The following DNAH17 variants were observed in gnomAD, a reference collection of about 807,000 sequenced individuals.
DNAH17 encodes the protein dynein axonemal heavy chain 17.
A neutral mutation model predicts 485.6 loss-of-function variants in DNAH17; 376 were observed. That is an observed-to-expected ratio of 0.77 (90% CI 0.71 to 0.84). DNAH17 has a LOEUF of 0.84. Ranked by LOEUF, DNAH17 falls within the 40% of genes least tolerant of loss-of-function variation. DNAH17 has a pLI of 0.00. For missense variants in DNAH17, 6,370 were observed against 5,839.3 expected (o/e 1.09, Z -2.96); for synonymous variants, 3,031 against 2,405.9 (o/e 1.26, Z -7.60).
intron 72 of DNAH17, 94 bp from the exon 73 acceptor site, chr17:78,439,311 C>T: frequency 2.8e-6 from 4 of 1,416,714 alleles, no homozygotes; most frequent in Non-Finnish European, 3.8e-6. Flanking sequence ...ACATGCCTCC[C>T]TCATTTAGTT....
intron 19 of DNAH17, among the ~76,000 whole-genome samples, chr17:78,534,928 G>T (rs935501028): frequency 2.6e-5 from 4 of 152,138 alleles, no homozygotes; most frequent in Non-Finnish European, 5.9e-5. Context: ...ACCAAGCTAG[G>T]GTACTTGGGT....
chr17:78,431,850 A>G (rs600834), intron 75 of DNAH17, among the ~76,000 whole-genome samples: 24,869 of 151,998 alleles, frequency 0.16, 2,143 homozygotes, highest in Middle Eastern at 0.2. Context: ...GCGTGTGTCA[A>G]TGGGCAACGG....
At chr17:78,433,008 G>A (rs543702983) in intron 75 of DNAH17, among the ~76,000 whole-genome samples, 1 of 151,362 alleles carries the variant, frequency 6.6e-6, no homozygotes, top group Admixed American at 6.6e-5. Context: ...GCCCTCCTGG[G>A]CAGCTGAGTG....
chr17:78,533,664 G>A (rs1188882045), intron 19 of DNAH17, among the ~76,000 whole-genome samples: 1 of 152,114 alleles, frequency 6.6e-6, no homozygotes. Context: ...CATTTTTATT[G>A]TCTGCATCTT....
chr17:78,479,241 C>T lies in DNAH17; in HGVS notation c.7901-125G>A, dbSNP rs562994174. ...CAACTGGAGTAAGAAATCTGCACAG[C>T]TCTTTGAAGTGGGAGGGAATTTGCT... On this transcript the variant is annotated intron_variant, in intron 50 of 80. Coordinates refer to ENST00000389840, the MANE Select transcript of DNAH17 (RefSeq NM_173628.4). 7.2e-4 allele frequency: 784 copies of T among 1,082,070 alleles called. 4 individuals carry two copies. Among genetic ancestry groups the T allele is most frequent in the Admixed American group, 9.3e-4 (35 of 37,792 alleles). The allele number at this position is 1,082,070 out of a possible 1,614,324, so 67.0% of individuals were successfully genotyped here.
At position 78,450,637 on chromosome 17, in the gene DNAH17, T is replaced by G. The variant is rs1385152619; in HGVS notation, c.10899+45A>C. 1.9e-6 allele frequency: 3 copies of G among 1,588,350 alleles called. No homozygotes were observed. The South Asian group carries it at 3.4e-5, about 18-fold the overall frequency. On this transcript the variant is annotated intron_variant, in intron 67 of 80. Transcript: ENST00000389840. ...GGCGCCGATCGCCCGTGGCCCAGCC[T>G]CCCAAGCCCTGGCTGCCAGGGCACG...
intron 16 of DNAH17, among the ~76,000 whole-genome samples, chr17:78,547,800 TAG>T (rs1598702576): frequency 1.3e-5 from 2 of 152,158 alleles, no homozygotes; most frequent in Non-Finnish European, 1.5e-5. Flanking sequence ...GTATTTTTAG[TAG>T]AGACAGGGTT....
intron 24 of DNAH17, among the ~76,000 whole-genome samples, chr17:78,526,163 A>T (rs1254577759): frequency 6.6e-6 from 1 of 152,206 alleles, no homozygotes; most frequent in East Asian, 1.9e-4. Flanking sequence ...TGTGCACTGG[A>T]CGTGACCATG....
At chr17:78,487,127 G>A (rs933489494) in intron 44 of DNAH17, among the ~76,000 whole-genome samples, 16 of 152,158 alleles carry the variant, frequency 1.1e-4, no homozygotes, top group Admixed American at 7.2e-4. Context: ...TGGGTGGCTC[G>A]TGTGGAGGTG....
chr17:78,560,659 A>T, intron 13 of DNAH17, 81 bp downstream of exon 13: 4 of 1,408,380 alleles, frequency 2.8e-6, no homozygotes, highest in Non-Finnish European at 3.8e-6. Flanking sequence ...GACCTCCATA[A>T]ATCCGTGCTG....
intron 6 of DNAH17, 104 bp downstream of exon 6, chr17:78,570,844 G>A (rs1598747395): frequency 2.7e-5 from 17 of 635,480 alleles, no homozygotes; most frequent in East Asian, 1.6e-4. Flanking sequence ...GTGACAGAGC[G>A]AGACTCCCTC....
chr17:78,516,524 TA>T (rs956821455), intron 25 of DNAH17, among the ~76,000 whole-genome samples: 12 of 151,446 alleles, frequency 7.9e-5, no homozygotes, highest in Non-Finnish European at 1.2e-4. Flanking sequence ...CCATCTCTAC[TA>T]AAAAAAATAC....
intron 17 of DNAH17, 62 bp downstream of exon 17, chr17:78,543,795 T>TAC (rs2091672006): frequency 6.2e-7 from 1 of 1,610,020 alleles, no homozygotes; most frequent in Non-Finnish European, 8.5e-7. Context: ...GCCCTGGGTT[T>TAC]ACTCTCTCCT....
chr17:78,505,687 A>T (rs114557954), intron 30 of DNAH17, among the ~76,000 whole-genome samples: 1,588 of 152,298 alleles, frequency 0.01, 27 homozygotes, highest in African/African-American at 0.035. Context: ...ATTCTGGAAG[A>T]TTTCTTTTTG....
chr17:78,501,502 C>T lies in DNAH17; in HGVS notation c.5323-158G>A, dbSNP rs982623337. On this transcript the variant is annotated intron_variant, in intron 34 of 80. Transcript: ENST00000389840. ...GCACCCACATCCAACTGTATGGCCA[C>T]CCTCAGTGGAATCTCGCTACAGAAT... 20 of 1,017,400 alleles carry T rather than the reference C, an allele frequency of 2.0e-5. No homozygotes were observed. In the African/African-American group the frequency reaches 2.8e-4, roughly 14 times the overall value. The allele number at this position is 1,017,400 out of a possible 1,614,324, so 63.0% of individuals were successfully genotyped here.
chr17:78,501,923 TG>T lies in DNAH17; in HGVS notation c.5191-51del, dbSNP rs752965632. 1.1e-5 allele frequency: 18 copies of T among 1,606,624 alleles called. No homozygotes were observed. The South Asian group carries it at 1.3e-4, about 12-fold the overall frequency. On this transcript the variant is annotated intron_variant, in intron 33 of 80. Transcript: ENST00000389840. Reference sequence around the variant, plus strand: ...AGACACCACGGGTGCCCACATGCACTGGGGGGTCTTGTGGCTGGGTGCCCAC... The same window carrying T: ...AGACACCACGGGTGCCCACATGCACTGGGGGTCTTGTGGCTGGGTGCCCAC...
chr17:78,449,463 C>A lies in DNAH17; in HGVS notation c.11162G>T (p.Gly3721Val). 2 of 1,556,486 alleles carry A rather than the reference C, an allele frequency of 1.3e-6. No individual in the cohort carries two copies. Among genetic ancestry groups the A allele is most frequent in the Non-Finnish European group, 1.7e-6 (2 of 1,149,708 alleles). Residue 3721 changes from glycine to valine, a missense_variant, in exon 69 of 81, where the codon GGA becomes GTA. Transcript: ENST00000389840. ...TYSVYMYTARGLFERDKLIFL... is the reference protein window; with the variant it reads ...TYSVYMYTARVLFERDKLIFL... ...AATGAGTTTGTCCCTCTCGAAGAGT[C>A]CCCGGGCCGTGTACATGTAGACGGA...
chr17:78,530,614 G>A, intron 20 of DNAH17, 102 bp from the exon 21 acceptor site: 1 of 1,388,428 alleles, frequency 7.2e-7, no homozygotes, highest in Admixed American at 2.2e-5. Context: ...CACCTGCGCT[G>A]CTCACCTGCC....
At chr17:78,567,206 C>G in intron 9 of DNAH17, 40 bp from the exon 10 acceptor site, 2 of 1,560,668 alleles carry the variant, frequency 1.3e-6, no homozygotes, top group Non-Finnish European at 1.7e-6. Flanking sequence ...ATCTTCACAA[C>G]CCAACTCACG....
Sources: gnomAD v4.1 joint callset for allele counts (sites outside exome capture counted in the v4.1 genomes callset) on GRCh38, gnomAD v4.1.1 for gene constraint, MANE v1.5 for transcripts, NCBI Gene and HGNC (gene_info 2026-07-23, HGNC 2026-07-21) for gene names.